The following RBFOX3 variants were observed in gnomAD, a reference collection of about 807,000 sequenced individuals.
The protein encoded by RBFOX3 is RNA binding fox-1 homolog 3.
A neutral mutation model predicts 48.7 loss-of-function variants in RBFOX3; 17 were observed. The ratio of observed to expected loss-of-function variants is 0.35; its 90% CI spans 0.24 to 0.52. The LOEUF is 0.52. Among genes scored for constraint, RBFOX3 ranks in the 20% least tolerant of loss-of-function variants. The pLI, the probability that RBFOX3 is intolerant of heterozygous loss-of-function variation, is 0.94. For missense variants in RBFOX3, 382 were observed against 497.5 expected (o/e 0.77, Z 2.21); for synonymous variants, 212 against 209.5 (o/e 1.01, Z -0.10).
intron 3 of RBFOX3, among the ~76,000 whole-genome samples, chr17:79,282,224 G>A (rs1462631502): frequency 2.0e-5 from 3 of 152,134 alleles, no homozygotes; most frequent in African/African-American, 7.2e-5. Context: ...TCCCACAAAC[G>A]AATCCATGAG....
In RBFOX3 at chr17:79,299,131, C is replaced by T. The variant is rs139023393; in HGVS notation, c.-74+8593G>A. On this transcript the variant is annotated intron_variant, in intron 3 of 14. Coordinates refer to ENST00000693108, the MANE Select transcript of RBFOX3 (RefSeq NM_001350451.2). This position sits in a 1 kb window ranked among gnomAD's most constrained non-coding sequence, Gnocchi z 4.5. The stretch of plus-strand genomic sequence containing the variant: ...GGGAAATGAACTAATAAATAAGAGG[C>T]CAGGTGTGGTATCTCGGTGCTGGCA... 4.7e-4 allele frequency among the ~76,000 whole-genome samples: 64 copies of T among 135,142 alleles called. No individual in the cohort carries two copies. Among genetic ancestry groups the T allele is most frequent in the Admixed American group, 2.2e-3 (28 of 12,776 alleles). 88.7% of individuals were successfully genotyped at this position (135,142 alleles called of 152,430 possible).
intron 1 of RBFOX3, among the ~76,000 whole-genome samples, chr17:79,609,491 G>C (rs2093919891): frequency 1.3e-5 from 2 of 152,328 alleles, no homozygotes; most frequent in East Asian, 3.9e-4. Flanking sequence ...TCGCGCGTCG[G>C]GACTAGCGGC....
At chr17:79,360,455 C>T (rs1286104179) in intron 2 of RBFOX3, among the ~76,000 whole-genome samples, 3 of 152,206 alleles carry the variant, frequency 2.0e-5, no homozygotes, top group East Asian at 1.9e-4. Flanking sequence ...GGCCCCCACC[C>T]GTCAGCTTCT....
intron 4 of RBFOX3, among the ~76,000 whole-genome samples, chr17:79,139,855 G>A (rs2041553797): frequency 6.6e-6 from 1 of 152,204 alleles, no homozygotes; most frequent in Non-Finnish European, 1.5e-5. Flanking sequence ...CGGGGAGGAC[G>A]TCTTGCTGAC....
chr17:79,551,139 G>A (rs1001328855), intron 1 of RBFOX3, among the ~76,000 whole-genome samples: 1 of 152,106 alleles, frequency 6.6e-6, no homozygotes, highest in Non-Finnish European at 1.5e-5. Flanking sequence ...ACACCTTGCT[G>A]GTACTTCCTG....
chr17:79,137,863 G>C (rs1314972995), intron 4 of RBFOX3, among the ~76,000 whole-genome samples: 2 of 152,190 alleles, frequency 1.3e-5, no homozygotes, highest in African/African-American at 2.4e-5. Flanking sequence ...ATTTCCTCCC[G>C]GGTAATTGAG....
chr17:79,095,606 G>A, intron 12 of RBFOX3, 32 bp from the exon 13 acceptor site: 1 of 1,535,016 alleles, frequency 6.5e-7, no homozygotes, highest in Non-Finnish European at 8.8e-7. Flanking sequence ...AGAGAGCAGA[G>A]GGACTTAGTG....
At chr17:79,389,118 G>T (rs1234597993) in intron 2 of RBFOX3, among the ~76,000 whole-genome samples, 1 of 152,180 alleles carries the variant, frequency 6.6e-6, no homozygotes, top group Middle Eastern at 3.2e-3. Context: ...GGTGTGGCAA[G>T]CACCGCGTCA....
At chr17:79,329,756 C>T (rs567001790) in intron 2 of RBFOX3, among the ~76,000 whole-genome samples, 104 of 152,310 alleles carry the variant, frequency 6.8e-4, no homozygotes, top group African/African-American at 2.3e-3. Flanking sequence ...ATTCACCCCT[C>T]GCTCTCCCAG....
intron 4 of RBFOX3, among the ~76,000 whole-genome samples, chr17:79,144,636 C>T (rs56411565): frequency 0.22 from 34,034 of 152,152 alleles, 4,006 homozygotes; most frequent in Middle Eastern, 0.29. Flanking sequence ...AAGAAGCACC[C>T]CTCTCCCGGC....
intron 1 of RBFOX3, among the ~76,000 whole-genome samples, chr17:79,607,444 A>G (rs2093858789): frequency 6.6e-6 from 1 of 152,110 alleles, no homozygotes; most frequent in African/African-American, 2.4e-5. Context: ...GGGCTGAAAA[A>G]TAATATTGCA....
intron 1 of RBFOX3, among the ~76,000 whole-genome samples, chr17:79,541,743 C>T (rs2089726465): frequency 6.6e-6 from 1 of 152,244 alleles, no homozygotes; most frequent in Non-Finnish European, 1.5e-5. Context: ...AGCAGGATTT[C>T]AGTGGAAACT....
Position 79,468,460 on chromosome 17 carries a change from A to G in RBFOX3, c.-175+13994T>C, listed in dbSNP as rs917843606. On this transcript the variant is annotated intron_variant, in intron 2 of 14. Coordinates refer to ENST00000693108, the MANE Select transcript of RBFOX3 (RefSeq NM_001350451.2). ...GATTGAACAGACAGACAATAGATCA[A>G]CAAATGAATGGATAGACGGGTACAC... 2.2e-3 allele frequency among the ~76,000 whole-genome samples: 333 copies of G among 152,306 alleles called. 1 individual carries two copies. Among genetic ancestry groups the G allele is most frequent in the African/African-American group, 7.7e-3 (318 of 41,548 alleles).
intron 2 of RBFOX3, among the ~76,000 whole-genome samples, chr17:79,323,069 C>T (rs991319229): frequency 1.3e-5 from 2 of 152,224 alleles, no homozygotes; most frequent in African/African-American, 2.4e-5. Flanking sequence ...ACAGATTTCT[C>T]AAAGCCTTCA....
At chr17:79,305,582 G>A (rs2075984281) in intron 3 of RBFOX3, among the ~76,000 whole-genome samples, 1 of 152,082 alleles carries the variant, frequency 6.6e-6, no homozygotes, top group Non-Finnish European at 1.5e-5. Flanking sequence ...CCCTGAACAG[G>A]GGAGAAAGAC....
Position 79,484,659 on chromosome 17 carries a change from G to T in RBFOX3, c.-319-2061C>A, listed in dbSNP as rs1054493481. On this transcript the variant is annotated intron_variant, in intron 1 of 14. Coordinates refer to ENST00000693108, the MANE Select transcript of RBFOX3 (RefSeq NM_001350451.2). ...GGCAGCCCAGGTTGGGTAGGAAGGG[G>T]CTCCAGGAAGGGGCTGGCCTGGTGG... Among the ~76,000 whole-genome samples the T allele has an allele frequency of 3.3e-5, 5 of 152,240 alleles. 1 individual carries two copies. Among genetic ancestry groups the T allele is most frequent in the East Asian group, 1.9e-4 (1 of 5,168 alleles).
In RBFOX3 at chr17:79,199,558, G is replaced by A. The variant is rs2056390935; in HGVS notation, c.-34+36208C>T. ...GCCAGTGACCTCTGTGGTGGGAACA[G>A]GTGACCTAGAACACACTGGTTTGGT... On this transcript the variant is annotated intron_variant, in intron 4 of 14. Transcript: ENST00000693108. The surrounding 1 kb of genome is among the most constrained non-coding windows in gnomAD (Gnocchi z 5.1). Among the ~76,000 whole-genome samples, 1 of 152,186 alleles carries A rather than the reference G, an allele frequency of 6.6e-6. No individual in the cohort carries two copies. The highest frequency in any genetic ancestry group is 2.4e-5 in the African/African-American group (1 of 41,442).
intron 4 of RBFOX3, chr17:79,183,355 A>C (rs1451116113): frequency 6.6e-6 from 1 of 152,180 alleles, no homozygotes; most frequent in Non-Finnish European, 1.5e-5. Context: ...CGAGTTCGCC[A>C]TGGAGCACAG....
chr17:79,637,025 T>C, the RBFOX3 span, among the ~76,000 whole-genome samples: 3 of 152,170 alleles, frequency 2.0e-5, no homozygotes, highest in Admixed American at 6.5e-5. Context: ...TCAGATAAAA[T>C]AGACTTTAAG....
Sources: allele counts gnomAD v4.1 joint callset (sites outside exome capture counted in the v4.1 genomes callset), GRCh38; gene constraint gnomAD v4.1.1; non-coding constraint Gnocchi (gnomAD v3.1); transcripts MANE v1.5; gene names NCBI Gene and HGNC (gene_info 2026-07-23, HGNC 2026-07-21).